The following PCSK5 variants were observed in gnomAD, a reference collection of about 807,000 sequenced individuals.
PCSK5 encodes prohormone convertase 5.
Under a neutral mutation model 233.2 loss-of-function variants are expected in PCSK5, and 129 were observed. The observed-to-expected ratio is 0.55, with a 90% CI of 0.48 to 0.64. The LOEUF (loss-of-function observed/expected upper bound fraction) is 0.64, where lower values mean the gene tolerates loss of function less well. PCSK5 is among the 30% of genes least tolerant of loss of function. The pLI, the probability that PCSK5 is intolerant of heterozygous loss-of-function variation, is 0.00. For missense variants in PCSK5, 2,076 were observed against 2,430.1 expected, an observed-to-expected ratio of 0.85 and a Z score of 3.06; for synonymous variants, 825 against 879.2, an observed-to-expected ratio of 0.94 and a Z score of 1.09.
At chr9:76,192,067 C>CA (rs5898457) in intron 20 of PCSK5, among the ~76,000 whole-genome samples, 14,004 of 101,132 alleles carry the variant, frequency 0.14, 1,243 homozygotes, top group South Asian at 0.24. Flanking sequence ...AAGACTGTCT[C>CA]AAAAAAAAAA....
At chr9:76,088,590 G>T (rs181660358) in intron 7 of PCSK5, among the ~76,000 whole-genome samples, 10 of 152,254 alleles carry the variant, frequency 6.6e-5, no homozygotes, top group African/African-American at 2.4e-4. Context: ...TGAGGGGATG[G>T]ATGATCTTAT....
chr9:76,169,646 A>G (rs1823244139), intron 12 of PCSK5, 58 bp from the exon 13 acceptor site: 1 of 1,567,840 alleles, frequency 6.4e-7, no homozygotes, highest in African/African-American at 1.4e-5. Flanking sequence ...TTGTGGTATT[A>G]ACTAGACCCT....
At chr9:76,353,734 G>T (rs1359313151) in intron 36 of PCSK5, among the ~76,000 whole-genome samples, 1 of 152,216 alleles carries the variant, frequency 6.6e-6, no homozygotes, top group Non-Finnish European at 1.5e-5. Flanking sequence ...ACTAGTCCTT[G>T]ACCTGAGCTG....
chr9:76,050,348 A>AAT (rs1829578400), intron 5 of PCSK5, among the ~76,000 whole-genome samples: 1 of 152,140 alleles, frequency 6.6e-6, no homozygotes, highest in Non-Finnish European at 1.5e-5. Context: ...ACATTTCAAA[A>AAT]ATATATATAT....
intron 2 of PCSK5, among the ~76,000 whole-genome samples, chr9:75,979,458 C>T (rs1309227335): frequency 1.3e-5 from 2 of 152,156 alleles, no homozygotes; most frequent in East Asian, 3.9e-4. Flanking sequence ...TATCCCCCTT[C>T]TAGATTATAT....
intron 24 of PCSK5, among the ~76,000 whole-genome samples, chr9:76,248,102 A>AAT (rs1564133584): frequency 2.2e-4 from 34 of 151,556 alleles, no homozygotes; most frequent in African/African-American, 7.0e-4. Flanking sequence ...TTTTAAAAAA[A>AAT]TTTTTTTTTA....
rs768661207 is a variant in PCSK5, at chr9:76,296,875, C to CT, written c.3523+10_3523+11insT. On this transcript the variant is annotated intron_variant, in intron 27 of 37. Coordinates refer to ENST00000674117, the MANE Select transcript of PCSK5 (RefSeq NM_001372043.1). ...GGCAAATTCTGGAATGGTATGTGCCCCCCAAAAAAGAGGTCACAGGGGTCT... is the reference window on the plus strand; with the variant it reads ...GGCAAATTCTGGAATGGTATGTGCCCTCCCAAAAAAGAGGTCACAGGGGTCT... The CT allele has an allele frequency of 1.3e-5, 21 of 1,584,298 alleles. No individual in the cohort carries two copies. Among genetic ancestry groups the CT allele is most frequent in the Non-Finnish European group, 1.6e-5 (19 of 1,165,722 alleles).
chr9:76,316,111 C>T (rs1402047516), intron 30 of PCSK5, among the ~76,000 whole-genome samples: 1 of 152,070 alleles, frequency 6.6e-6, no homozygotes, highest in Non-Finnish European at 1.5e-5. Flanking sequence ...CTCTGCAGGT[C>T]TTGGCCAGGC....
intron 7 of PCSK5, among the ~76,000 whole-genome samples, chr9:76,093,426 A>G (rs550466701): frequency 3.9e-5 from 6 of 152,240 alleles, no homozygotes; most frequent in Admixed American, 3.9e-4. Flanking sequence ...AGACTGTGCT[A>G]TACCATTTTG....
At chr9:76,241,514 C>T (rs1008879573) in intron 24 of PCSK5, among the ~76,000 whole-genome samples, 2 of 152,180 alleles carry the variant, frequency 1.3e-5, no homozygotes, top group African/African-American at 2.4e-5. Context: ...AATCAAGCAT[C>T]GTGGTAACAG....
chr9:76,040,373 C>CTGTCTCTCTG (rs1563988593), intron 5 of PCSK5, among the ~76,000 whole-genome samples: 1 of 67,460 alleles, frequency 1.5e-5, no homozygotes, highest in Non-Finnish European at 2.8e-5. Context: ...CTCTCTCTCT[C>CTGTCTCTCTG]TCTCTCTCTC....
chr9:76,104,874 G>A lies in PCSK5; in HGVS notation c.1108-2377G>A, dbSNP rs77583622. Among the ~76,000 whole-genome samples, 390 of 152,272 alleles carry A rather than the reference G, an allele frequency of 2.6e-3. 1 individual carries two copies. Among genetic ancestry groups the A allele is most frequent in the African/African-American group, 8.6e-3 (358 of 41,554 alleles). ...AAATAGGAAGAATGCAGGCAAGGCC[G>A]TCTCAACAACAGCAGATCTGGACAC... On this transcript the variant is annotated intron_variant, in intron 8 of 37. Transcript: ENST00000674117.
At chr9:76,249,190 C>T (rs1229458806) in intron 24 of PCSK5, among the ~76,000 whole-genome samples, 2 of 152,198 alleles carry the variant, frequency 1.3e-5, no homozygotes, top group Non-Finnish European at 2.9e-5. Context: ...TTGTTACTTG[C>T]ATCTGGTGGA....
At chr9:76,333,770 C>G (rs1366014224) in intron 34 of PCSK5, among the ~76,000 whole-genome samples, 1 of 152,184 alleles carries the variant, frequency 6.6e-6, no homozygotes, top group African/African-American at 2.4e-5. Context: ...ATTGACACAT[C>G]TCTTCGGTCC....
intron 1 of PCSK5, among the ~76,000 whole-genome samples, chr9:75,918,905 T>C (rs1395370414): frequency 1.3e-5 from 2 of 152,204 alleles, no homozygotes; most frequent in Non-Finnish European, 2.9e-5. Flanking sequence ...CCTTTCCTTT[T>C]GCATTACCTT....
chr9:75,980,032 A>C (rs972722038), intron 2 of PCSK5, among the ~76,000 whole-genome samples: 1 of 152,222 alleles, frequency 6.6e-6, no homozygotes, highest in African/African-American at 2.4e-5. Flanking sequence ...CTTTGATTGG[A>C]TATAACCATT....
intron 1 of PCSK5, among the ~76,000 whole-genome samples, chr9:75,913,105 G>T (rs142525598): frequency 1.7e-3 from 263 of 152,298 alleles, no homozygotes; most frequent in African/African-American, 6.2e-3. Context: ...TTGGGTTTGG[G>T]TGGGTTCTTA....
chr9:76,292,731 T>C (rs1212406979), intron 25 of PCSK5, among the ~76,000 whole-genome samples: 6 of 152,136 alleles, frequency 3.9e-5, no homozygotes, highest in Non-Finnish European at 1.5e-5. Flanking sequence ...GAAACAGAGG[T>C]AACCATCACT....
At chr9:76,108,850 G>T (rs1323270288) in intron 9 of PCSK5, among the ~76,000 whole-genome samples, 1 of 152,168 alleles carries the variant, frequency 6.6e-6, no homozygotes, top group Non-Finnish European at 1.5e-5. Context: ...CTATGTTAAG[G>T]CAGCTGGACC....
Sources: allele counts gnomAD v4.1 joint callset (sites outside exome capture counted in the v4.1 genomes callset), GRCh38; gene constraint gnomAD v4.1.1; transcripts MANE v1.5; gene names NCBI Gene and HGNC (gene_info 2026-07-23, HGNC 2026-07-21).